Variants in PIK3R6 observed in about 807,000 individuals in gnomAD.
The protein encoded by PIK3R6 is phosphoinositide-3-kinase regulatory subunit 6.
Under a neutral mutation model 84.9 loss-of-function variants are expected in PIK3R6, and 91 were observed. That is an observed-to-expected ratio of 1.07 (90% confidence interval 0.90 to 1.28). The LOEUF is 1.28. PIK3R6 is among the 50% of genes most tolerant of loss of function. The pLI, the probability that PIK3R6 is intolerant of heterozygous loss-of-function variation, is 0.00. For synonymous variants in PIK3R6, 416 were observed against 411.4 expected, an observed-to-expected ratio of 1.01 and a Z score of -0.13; for missense variants, 996 against 985.1, an observed-to-expected ratio of 1.01 and a Z score of -0.15.
chr17:8,832,750 C>T, intron 9 of PIK3R6, 139 bp downstream of exon 9: 1 of 1,317,584 alleles, frequency 7.6e-7, no homozygotes, highest in South Asian at 1.3e-5. Context: ...CCCAGGCTGC[C>T]CCCAGTCCCC....
chr17:8,813,012 A>G (rs2087403600), intron 18 of PIK3R6, among the ~76,000 whole-genome samples: 1 of 152,184 alleles, frequency 6.6e-6, no homozygotes, highest in Non-Finnish European at 1.5e-5. Context: ...TTAACCAAGA[A>G]AAAAAGAGAG....
At chr17:8,829,215 A>G (rs1047549182) in intron 10 of PIK3R6, among the ~76,000 whole-genome samples, 1 of 61,788 alleles carries the variant, frequency 1.6e-5, no homozygotes, top group Admixed American at 1.6e-4. Context: ...ACACACACAG[A>G]CACACACACA....
At chr17:8,819,055 T>A (rs755599449) in intron 18 of PIK3R6, 28 bp downstream of exon 18, 1 of 1,514,822 alleles carries the variant, frequency 6.6e-7, no homozygotes. Context: ...GCTGGCTGTC[T>A]CCCTTTCCCA....
intron 1 of PIK3R6, among the ~76,000 whole-genome samples, chr17:8,850,525 TGAG>T (rs1185317888): frequency 6.6e-6 from 1 of 152,132 alleles, no homozygotes; most frequent in Non-Finnish European, 1.5e-5. Context: ...AAGCAAGGAA[TGAG>T]GACTTGGAAC....
chr17:8,813,392 T>C (rs1708188059), intron 18 of PIK3R6, among the ~76,000 whole-genome samples: 3 of 152,198 alleles, frequency 2.0e-5, no homozygotes, highest in African/African-American at 7.2e-5. Flanking sequence ...TCCTCCCTAA[T>C]TCATTCTATG....
chr17:8,836,655 C>A, intron 6 of PIK3R6, 39 bp from the exon 7 acceptor site: 1 of 1,613,772 alleles, frequency 6.2e-7, no homozygotes, highest in South Asian at 1.1e-5. Flanking sequence ...GCCCCCAAGT[C>A]TCTGACTCCC....
At chr17:8,852,434 A>T (rs1211051947) in intron 1 of PIK3R6, among the ~76,000 whole-genome samples, 1 of 152,170 alleles carries the variant, frequency 6.6e-6, no homozygotes, top group Non-Finnish European at 1.5e-5. Flanking sequence ...AATCATAGAA[A>T]TGAATATTAA....
chr17:8,849,911 G>A, intron 1 of PIK3R6, 26 bp from the exon 2 acceptor site: 1 of 1,377,880 alleles, frequency 7.3e-7, no homozygotes, highest in Non-Finnish European at 9.9e-7. Context: ...TAGTTAATTA[G>A]TGGAAGCAGT....
At chr17:8,829,192 TACACACACGTGCACACAC>T (rs2088075152) in intron 10 of PIK3R6, among the ~76,000 whole-genome samples, 5 of 146,328 alleles carry the variant, frequency 3.4e-5, no homozygotes, top group Admixed American at 1.3e-4. Context: ...CAGACAGACA[TACACACACGTGCACACAC>T]ACAGACACAC....
chr17:8,837,905 G>C, intron 4 of PIK3R6, 34 bp from the exon 5 acceptor site: 1 of 1,588,820 alleles, frequency 6.3e-7, no homozygotes, highest in Non-Finnish European at 8.6e-7. Context: ...CAGGTATTGG[G>C]CTGGGGGAAT....
chr17:8,852,737 T>TAAAAAA (rs2089005543), intron 1 of PIK3R6, among the ~76,000 whole-genome samples: 1 of 80,706 alleles, frequency 1.2e-5, no homozygotes, highest in African/African-American at 5.6e-5. Flanking sequence ...AGACTCTGTC[T>TAAAAAA]CAAAAAAAAA....
intron 16 of PIK3R6, 116 bp from the exon 17 acceptor site, chr17:8,822,052 C>CA: frequency 2.4e-6 from 1 of 412,212 alleles, no homozygotes. Context: ...CTGTGAGAGT[C>CA]TTTTTTTTTT....
chr17:8,827,430 C>T (rs2087958692), intron 12 of PIK3R6, 136 bp from the exon 13 acceptor site: 5 of 1,062,736 alleles, frequency 4.7e-6, no homozygotes, highest in Admixed American at 2.9e-5. Context: ...TGTGAAGACA[C>T]GTCGTTGTTC....
intron 18 of PIK3R6, among the ~76,000 whole-genome samples, chr17:8,815,473 T>G (rs1488335828): frequency 6.8e-6 from 1 of 146,140 alleles, no homozygotes; most frequent in Non-Finnish European, 1.5e-5. Flanking sequence ...ACCACTGCAC[T>G]CCAACCTGGC....
intron 13 of PIK3R6, among the ~76,000 whole-genome samples, chr17:8,824,541 C>T (rs951535461): frequency 3.9e-5 from 6 of 152,140 alleles, no homozygotes; most frequent in Admixed American, 1.3e-4. Flanking sequence ...GAGCTATGAA[C>T]GTAGTCTAAT....
At chr17:8,838,329 T>C in intron 4 of PIK3R6, 1 of 490,278 alleles carries the variant, frequency 2.0e-6, no homozygotes, top group Non-Finnish European at 3.7e-6. Context: ...GGGTTTTCCA[T>C]TTGTGGTCGC....
Position 8,862,750 on chromosome 17 carries a change from G to A in PIK3R6, c.-92+4779C>T, listed in dbSNP as rs764648622. Among the ~76,000 whole-genome samples, 3 of 152,054 alleles carry A rather than the reference G, an allele frequency of 2.0e-5. No homozygotes were observed. Among genetic ancestry groups the A allele is most frequent in the Non-Finnish European group, 1.5e-5 (1 of 68,024 alleles). On this transcript the variant is annotated intron_variant, in intron 1 of 19. Coordinates refer to ENST00000619866, the MANE Select transcript of PIK3R6 (RefSeq NM_001010855.4). This position sits in a 1 kb window ranked among gnomAD's most constrained non-coding sequence, Gnocchi z 4.3. ...CCCTCCCCCCGTAGCGCAAGAATACGACATTACAGGACAGCAATACACCAT... is the reference window on the plus strand; with the variant it reads ...CCCTCCCCCCGTAGCGCAAGAATACAACATTACAGGACAGCAATACACCAT...
At chr17:8,845,503 G>A (rs1241058192) in intron 2 of PIK3R6, among the ~76,000 whole-genome samples, 1 of 151,890 alleles carries the variant, frequency 6.6e-6, no homozygotes, top group Non-Finnish European at 1.5e-5. Context: ...TTTTAAGTGG[G>A]GTTATTTGTT....
At position 8,839,514 on chromosome 17, in the gene PIK3R6, T is replaced by C. The variant is rs2088602998; in HGVS notation, c.97+100A>G. ...GTTTGGTGAGACGACCCTTGCCCCC[T>C]GAGCTCCAGGCCGGGGCTCTTTCCT... On this transcript the variant is annotated intron_variant, in intron 3 of 19. Coordinates refer to ENST00000619866, the MANE Select transcript of PIK3R6 (RefSeq NM_001010855.4). This position sits in a 1 kb window ranked among gnomAD's most constrained non-coding sequence, Gnocchi z 4.2. 4 of 944,784 alleles carry C rather than the reference T, an allele frequency of 4.2e-6. No individual in the cohort carries two copies. The highest frequency in any genetic ancestry group is 2.6e-5 in the Admixed American group (1 of 38,004). 58.5% of individuals were successfully genotyped at this position (944,784 alleles called of 1,614,324 possible).
Sources: gnomAD v4.1 joint callset for allele counts (sites outside exome capture counted in the v4.1 genomes callset) on GRCh38, gnomAD v4.1.1 for gene constraint, Gnocchi (gnomAD v3.1) non-coding constraint, MANE v1.5 for transcripts, NCBI Gene and HGNC (gene_info 2026-07-23, HGNC 2026-07-21) for gene names.